Variants in FHOD3 observed in about 807,000 individuals in gnomAD.
FHOD3 encodes formin homology 2 domain containing 3.
A neutral mutation model predicts 173.0 loss-of-function variants in FHOD3; 90 were observed. The observed-to-expected ratio is 0.52, with a 90% confidence interval of 0.44 to 0.62. The LOEUF is 0.62. Among genes scored for constraint, FHOD3 ranks in the 20% least tolerant of loss-of-function variants. The pLI is 0.00. For missense variants in FHOD3, 1,945 were observed against 2,034.7 expected (o/e 0.96, Z 0.85); for synonymous variants, 828 against 823.0 (o/e 1.01, Z -0.10).
intron 3 of FHOD3, among the ~76,000 whole-genome samples, chr18:36,487,127 A>G (rs1244497690): frequency 6.6e-6 from 1 of 152,162 alleles, no homozygotes; most frequent in Non-Finnish European, 1.5e-5. Flanking sequence ...AAATGTTTTT[A>G]TGTGTGTAAA....
chr18:36,553,159 G>C (rs988397337), intron 5 of FHOD3, among the ~76,000 whole-genome samples: 1 of 152,184 alleles, frequency 6.6e-6, no homozygotes, highest in Non-Finnish European at 1.5e-5. Context: ...TTGCATCCCA[G>C]GGATGAAGCC....
intron 3 of FHOD3, among the ~76,000 whole-genome samples, chr18:36,432,973 A>G (rs931334750): frequency 6.6e-6 from 1 of 152,138 alleles, no homozygotes. Flanking sequence ...AATCATTTCT[A>G]TGACCCCGGC....
chr18:36,709,914 A>G (rs1295205227), intron 18 of FHOD3: 1 of 155,112 alleles, frequency 6.4e-6, no homozygotes, highest in African/African-American at 2.4e-5. Context: ...AAAAAATTGT[A>G]CACAGTTTAC....
chr18:36,614,394 A>G (rs2032996781), intron 9 of FHOD3, among the ~76,000 whole-genome samples: 1 of 152,226 alleles, frequency 6.6e-6, no homozygotes, highest in Non-Finnish European at 1.5e-5. Flanking sequence ...TTATCCATTT[A>G]TCAGTTAGTG....
At chr18:36,520,994 A>T (rs1426963003) in intron 5 of FHOD3, among the ~76,000 whole-genome samples, 1 of 152,196 alleles carries the variant, frequency 6.6e-6, no homozygotes, top group Non-Finnish European at 1.5e-5. Flanking sequence ...TTTATCTCAC[A>T]CATGGTCTTC....
chr18:36,683,262 AT>A (rs1201294154), intron 15 of FHOD3, among the ~76,000 whole-genome samples: 2 of 152,222 alleles, frequency 1.3e-5, no homozygotes, highest in Admixed American at 6.5e-5. Context: ...AGATTGGCAT[AT>A]TTTACCACCA....
At chr18:36,322,063 G>A (rs557849812) in intron 1 of FHOD3, among the ~76,000 whole-genome samples, 7 of 152,162 alleles carry the variant, frequency 4.6e-5, no homozygotes, top group Non-Finnish European at 7.3e-5. Flanking sequence ...GAGTGTGAGC[G>A]TGACTCCTCT....
intron 2 of FHOD3, among the ~76,000 whole-genome samples, chr18:36,369,597 A>T (rs919786654): frequency 1.3e-5 from 2 of 152,004 alleles, no homozygotes; most frequent in Non-Finnish European, 2.9e-5. Context: ...ACTTACGTAT[A>T]TGTGTATATA....
At chr18:36,331,697 G>T (rs139430927) in intron 1 of FHOD3, among the ~76,000 whole-genome samples, 17 of 152,180 alleles carry the variant, frequency 1.1e-4, no homozygotes, top group Non-Finnish European at 2.2e-4. Flanking sequence ...AGGGAAGTTC[G>T]CTGATTTAGC....
In FHOD3 at chr18:36,737,288, G is replaced by A. The variant is rs1036345866; in HGVS notation, c.3577-3368G>A. Among the ~76,000 whole-genome samples, 4 of 152,344 alleles carry A rather than the reference G, an allele frequency of 2.6e-5. 1 individual carries two copies. The highest frequency in any genetic ancestry group is 9.6e-5 in the African/African-American group (4 of 41,584). On this transcript the variant is annotated intron_variant, in intron 20 of 28. Coordinates refer to ENST00000590592, the MANE Select transcript of FHOD3 (RefSeq NM_001281740.3). The stretch of plus-strand genomic sequence containing the variant: ...AGATGTCTTCTGAAGGTTGTACAAA[G>A]TGTTGACAGTTTTTCATTTTGGAAT...
rs2051234039 is a variant in FHOD3, at chr18:36,442,860, C to G, written c.338-59072C>G. 2.6e-5 allele frequency among the ~76,000 whole-genome samples: 4 copies of G among 152,170 alleles called. No individual in the cohort carries two copies. The South Asian group carries it at 8.3e-4, about 31-fold the overall frequency. ...CAATCCAGGATCACACATTTTGTTT[C>G]AGTTGTCACGTCTCCCTAGTCTCTG... On this transcript the variant is annotated intron_variant, in intron 3 of 28. Transcript: ENST00000590592.
At chr18:36,359,434 T>C (rs1001159243) in intron 2 of FHOD3, among the ~76,000 whole-genome samples, 1 of 152,222 alleles carries the variant, frequency 6.6e-6, no homozygotes, top group Non-Finnish European at 1.5e-5. Context: ...CATCACCTTC[T>C]GAGGCCAGGG....
At chr18:36,347,315 A>G (rs931215917) in intron 1 of FHOD3, among the ~76,000 whole-genome samples, 3 of 152,232 alleles carry the variant, frequency 2.0e-5, no homozygotes, top group African/African-American at 7.2e-5. Context: ...AAATAATTCA[A>G]ATGTTTACCT....
intron 28 of FHOD3, among the ~76,000 whole-genome samples, chr18:36,771,483 G>A (rs937730089): frequency 7.9e-5 from 12 of 152,218 alleles, no homozygotes; most frequent in African/African-American, 9.6e-5. Flanking sequence ...CTCCTTTTGT[G>A]TATGGTTTGT....
At chr18:36,756,723 C>T (rs143612438) in intron 25 of FHOD3, among the ~76,000 whole-genome samples, 1 of 152,182 alleles carries the variant, frequency 6.6e-6, no homozygotes, top group East Asian at 1.9e-4. Flanking sequence ...TACCATCCAC[C>T]TTTGTGTAAG....
Position 36,343,571 on chromosome 18 carries a change from T to C in FHOD3, c.166-11968T>C, listed in dbSNP as rs568259916. 6.6e-5 allele frequency among the ~76,000 whole-genome samples: 10 copies of C among 152,238 alleles called. No homozygotes were observed. The South Asian group carries it at 1.9e-3, about 28-fold the overall frequency. On this transcript the variant is annotated intron_variant, in intron 1 of 28. Coordinates refer to ENST00000590592, the MANE Select transcript of FHOD3 (RefSeq NM_001281740.3). ...TTGGGGGAGAGTGAGTTCTTACCCA[T>C]ATTTTTTCCATGCAAGAGCTGGCTG...
intron 3 of FHOD3, among the ~76,000 whole-genome samples, chr18:36,384,488 T>C (rs191671012): frequency 2.4e-4 from 37 of 151,664 alleles, no homozygotes; most frequent in African/African-American, 8.7e-4. Context: ...AGAGAATCAC[T>C]TGAACCAGGA....
intron 3 of FHOD3, among the ~76,000 whole-genome samples, chr18:36,498,897 A>C (rs1244634752): frequency 6.6e-6 from 1 of 152,210 alleles, no homozygotes; most frequent in Non-Finnish European, 1.5e-5. Flanking sequence ...CCAAGTAGTA[A>C]AACCTTAATG....
At chr18:36,755,532 C>T (rs1435815461) in intron 25 of FHOD3, among the ~76,000 whole-genome samples, 1 of 149,336 alleles carries the variant, frequency 6.7e-6, no homozygotes, top group African/African-American at 2.5e-5. Context: ...AAGTTCAGAA[C>T]GTGTGGCTAG....
Sources: gnomAD v4.1 joint callset for allele counts (sites outside exome capture counted in the v4.1 genomes callset) on GRCh38, gnomAD v4.1.1 for gene constraint, MANE v1.5 for transcripts, NCBI Gene and HGNC (gene_info 2026-07-23, HGNC 2026-07-21) for gene names.